RNF213: variants seen among roughly 807,000 people sequenced by gnomAD.
RNF213 encodes E3 ubiquitin-protein ligase RNF213.
RNF213 carries 341 observed loss-of-function variants against 514.4 expected under a neutral mutation model. That is an observed-to-expected ratio of 0.66 (90% CI 0.61 to 0.73). RNF213 has a LOEUF of 0.73. Among genes scored for constraint, RNF213 ranks in the 30% least tolerant of loss-of-function variants. RNF213 has a pLI of 0.00. For synonymous variants in RNF213, 2,655 were observed against 2,658.2 expected (o/e 1.00, Z 0.04); for missense variants, 5,767 against 6,615.6 (o/e 0.87, Z 4.45).
At chr17:80,330,036 T>G (rs930271357) in intron 20 of RNF213, among the ~76,000 whole-genome samples, 1 of 152,220 alleles carries the variant, frequency 6.6e-6, no homozygotes, top group Non-Finnish European at 1.5e-5. Flanking sequence ...TCTATCTCTG[T>G]TTTTTGCTCT....
intron 49 of RNF213, among the ~76,000 whole-genome samples, chr17:80,373,983 C>A (rs1271711145): frequency 7.9e-6 from 1 of 126,850 alleles, no homozygotes; most frequent in African/African-American, 3.1e-5. Context: ...AGCGCCTGGG[C>A]GATAGAGCGA....
Position 80,353,397 on chromosome 17 carries a change from G to A in RNF213, c.10424-115G>A. The A allele has an allele frequency of 8.2e-7, 1 of 1,219,852 alleles. No homozygotes were observed. The highest frequency in any genetic ancestry group is 1.2e-6 in the Non-Finnish European group (1 of 849,722). The allele number at this position is 1,219,852 out of a possible 1,614,324, so 75.6% of individuals were successfully genotyped here. A position where few individuals can be genotyped will look rare whatever the true frequency, so the allele number is the denominator to read the frequency against. Reference sequence around the variant, plus strand: ...CATCTGGGGACCTAGCACCACAGCAGGGGCCGGGGAAGCCTGCACTCGGAG... The same window carrying A: ...CATCTGGGGACCTAGCACCACAGCAAGGGCCGGGGAAGCCTGCACTCGGAG... On this transcript the variant is annotated intron_variant, in intron 33 of 67. Coordinates refer to ENST00000582970, the MANE Select transcript of RNF213 (RefSeq NM_001256071.3). This position sits in a 1 kb window ranked among gnomAD's most constrained non-coding sequence, Gnocchi z 5.0.
chr17:80,343,157 G>A lies in RNF213; in HGVS notation c.6015G>A (p.Leu2005=). ...GAAAGTCTCTGTACGTGAAGAGGTT[G>A]CACGACAAAATGAAGATGCAGTTAA... is the stretch of plus-strand genomic sequence containing the variant. ...GVGKSLYVKR[L]HDKMKMQLNV... is the part of the protein sequence containing the mutation. Residue 2005 remains leucine (L), a synonymous_variant, in exon 27 of 68, where the codon TTG becomes TTA. Transcript: ENST00000582970. The surrounding 1 kb of genome is among the most constrained non-coding windows in gnomAD (Gnocchi z 4.3). 3 of 1,613,976 alleles carry A rather than the reference G, an allele frequency of 1.9e-6. No homozygotes were observed. The highest frequency in any genetic ancestry group is 1.1e-5 in the South Asian group (1 of 91,078).
In RNF213 at chr17:80,363,461, C is replaced by T. The variant is rs892981099; in HGVS notation, c.11568+147C>T. 7.5e-6 allele frequency: 9 copies of T among 1,196,240 alleles called. No homozygotes were observed. In the Admixed American group the frequency reaches 1.7e-4, roughly 22 times the overall value. 74.1% of individuals were successfully genotyped at this position (1,196,240 alleles called of 1,614,324 possible). ...GCTGAATTCAGAGATGTTAAGGACA[C>T]ATCTCGCTGACGCTTCTCACATCCT... On this transcript the variant is annotated intron_variant, in intron 40 of 67. Transcript: ENST00000582970.
chr17:80,268,158 A>T (rs946553185), intron 2 of RNF213, among the ~76,000 whole-genome samples: 2 of 151,856 alleles, frequency 1.3e-5, no homozygotes, highest in Non-Finnish European at 2.9e-5. Flanking sequence ...GTGTTCCATT[A>T]TGTATATGTA....
chr17:80,273,909 C>T (rs1200247357), intron 3 of RNF213, among the ~76,000 whole-genome samples: 4 of 152,032 alleles, frequency 2.6e-5, no homozygotes, highest in Non-Finnish European at 5.9e-5. Context: ...TGTGAGCCAC[C>T]GCGCCCGGCC....
chr17:80,353,554 T>C lies in RNF213; in HGVS notation c.10466T>C (p.Met3489Thr), dbSNP rs945777495. Residue 3489 changes from methionine (M) to threonine (T), a missense_variant, in exon 34 of 68, where the codon ATG (methionine) becomes ACG (threonine). Coordinates refer to ENST00000582970, the MANE Select transcript of RNF213 (RefSeq NM_001256071.3). The surrounding 1 kb of genome is among the most constrained non-coding windows in gnomAD (Gnocchi z 5.0). The part of the protein sequence containing the change: ...HRAEDGHEEA[M>T]ETEASTSGEV... The stretch of plus-strand genomic sequence containing the variant: ...GCGGAAGACGGCCATGAGGAGGCGA[T>C]GGAGACGGAGGCCAGCACATCAGGG... 1.2e-6 allele frequency: 2 copies of C among 1,613,444 alleles called. No homozygotes were observed. The highest frequency in any genetic ancestry group is 1.3e-5 in the African/African-American group (1 of 74,828).
chr17:80,393,608 T>C lies in RNF213; in HGVS notation c.*110T>C, dbSNP rs559740886. On this transcript the variant is annotated 3_prime_UTR_variant, in exon 68 of 68. Transcript: ENST00000582970. ...GTGCCTTTGCATTCAGAAGGAGAGC[T>C]GTCAGCGTAGCACCGAATTCAAGAC... 1 of 1,247,886 alleles carries C rather than the reference T, an allele frequency of 8.0e-7. No homozygotes were observed. The highest frequency in any genetic ancestry group is 1.5e-5 in the African/African-American group (1 of 67,388). The allele number at this position is 1,247,886 out of a possible 1,614,324, so 77.3% of individuals were successfully genotyped here.
Position 80,377,776 on chromosome 17 carries a change from C to T in RNF213, c.13525C>T (p.His4509Tyr), listed in dbSNP as rs750408019. The change falls in exon 54 of 68, where the codon CAT becomes TAT. Residue 4509 changes from histidine to tyrosine, a missense_variant. Coordinates refer to ENST00000582970, the MANE Select transcript of RNF213 (RefSeq NM_001256071.3). This position sits in a 1 kb window ranked among gnomAD's most constrained non-coding sequence, Gnocchi z 4.1. Reference protein sequence around the residue: ...RVHWYTCPNGHPCSVGECGRP... With the variant: ...RVHWYTCPNGYPCSVGECGRP... ...TCTCTTCACAGCTTGTCCCAACGGC[C>T]ATCCTTGCTCCGTGGGAGAGGTGAG... 1 of 1,614,194 alleles carries T rather than the reference C, an allele frequency of 6.2e-7. No homozygotes were observed.
rs1568015263 is a variant in RNF213, at chr17:80,288,278, T to G, written c.725T>G (p.Leu242Arg). 1 of 1,613,128 alleles carries G rather than the reference T, an allele frequency of 6.2e-7. No individual in the cohort carries two copies. Among genetic ancestry groups the G allele is most frequent in the South Asian group, 1.1e-5 (1 of 91,086 alleles). Reference protein sequence around the residue: ...SRTEDAAQELLLPESKGGSSE... With the variant: ...SRTEDAAQELRLPESKGGSSE... ...ACTGAAGATGCTGCCCAGGAGCTCCTGTTGCCTGAGTCAAAAGGAGGCAGC... is the reference window on the plus strand; with the variant it reads ...ACTGAAGATGCTGCCCAGGAGCTCCGGTTGCCTGAGTCAAAAGGAGGCAGC... The change falls in exon 4 of 68, where the codon CTG becomes CGG. Residue 242 changes from leucine to arginine, a missense_variant. Leu to Arg is a moderately radical substitution (Grantham distance 102). Transcript: ENST00000582970. The surrounding 1 kb of genome is among the most constrained non-coding windows in gnomAD (Gnocchi z 4.9).
chr17:80,374,778 G>C, intron 50 of RNF213, 189 bp downstream of exon 50: 2 of 637,118 alleles, frequency 3.1e-6, no homozygotes, highest in Non-Finnish European at 5.6e-6. Flanking sequence ...CCAGTGGCTG[G>C]AACAGGACAG....
At chr17:80,261,446 G>A (rs939594677) in intron 1 of RNF213, among the ~76,000 whole-genome samples, 7 of 152,250 alleles carry the variant, frequency 4.6e-5, no homozygotes, top group African/African-American at 1.7e-4. Flanking sequence ...GCCAGGGTGG[G>A]CACCCCTCCC....
chr17:80,265,293 C>T lies in RNF213; in HGVS notation c.97+1515C>T, dbSNP rs189589480. ...AACTCCTGACCTCAGGTGATCCACC[C>T]GCCTCGGCCTCACAAAGTGCTGGGA... On this transcript the variant is annotated intron_variant, in intron 2 of 67. Transcript: ENST00000582970. Among the ~76,000 whole-genome samples, 335 of 152,198 alleles carry T rather than the reference C, an allele frequency of 2.2e-3. 2 individuals carry two copies. The highest frequency in any genetic ancestry group is 3.5e-3 in the South Asian group (17 of 4,832).
At chr17:80,325,284 A>G (rs1237676184) in intron 18 of RNF213, 86 bp downstream of exon 18, 13 of 1,310,926 alleles carry the variant, frequency 9.9e-6, no homozygotes, top group Non-Finnish European at 8.2e-6. Context: ...AAGATTTGAC[A>G]TGATGATACT....
At chr17:80,331,575 G>A (rs2046417956) in intron 20 of RNF213, among the ~76,000 whole-genome samples, 1 of 151,962 alleles carries the variant, frequency 6.6e-6, no homozygotes, top group African/African-American at 2.4e-5. Context: ...TTTTAGTAGA[G>A]ACAGGGTTTT....
Position 80,332,078 on chromosome 17 carries a change from T to C in RNF213, c.3590T>C (p.Val1197Ala). The C allele has an allele frequency of 6.5e-7, 1 of 1,537,154 alleles. No individual in the cohort carries two copies. The highest frequency in any genetic ancestry group is 8.7e-7 in the Non-Finnish European group (1 of 1,146,912). ...SSKRLNDTVT[V>A]RLSTSSNSQR... ...AAAAGATTAAATGACACCGTGACAG[T>C]GAGACTGTCCACCTCCTCGAACTCG... The change falls in exon 21 of 68, where the codon GTG becomes GCG. Residue 1197 changes from valine (V) to alanine (A), a missense_variant. By Grantham distance (64) the Val-to-Ala change is moderately conservative. Coordinates refer to ENST00000582970, the MANE Select transcript of RNF213 (RefSeq NM_001256071.3).
At chr17:80,369,898 A>G (rs752075631) in intron 46 of RNF213, 31 bp downstream of exon 46, 1 of 1,468,774 alleles carries the variant, frequency 6.8e-7, no homozygotes, top group Admixed American at 1.7e-5. Context: ...TGCTTCTGGA[A>G]AGCCCTGGCT....
chr17:80,270,862 A>G lies in RNF213; in HGVS notation c.98-2379A>G, dbSNP rs373498185. Among the ~76,000 whole-genome samples the G allele has an allele frequency of 1.1e-3, 169 of 152,236 alleles. 1 individual carries two copies. The highest frequency in any genetic ancestry group is 3.6e-3 in the African/African-American group (151 of 41,550). Reference sequence around the variant, plus strand: ...GCTTTGCTCCATTTCTCTGATCCTGACAGCTCTGCCCTTCTCCACTGCCAG... The same window carrying G: ...GCTTTGCTCCATTTCTCTGATCCTGGCAGCTCTGCCCTTCTCCACTGCCAG... On this transcript the variant is annotated intron_variant, in intron 2 of 67. Transcript: ENST00000582970.
intron 42 of RNF213, among the ~76,000 whole-genome samples, chr17:80,367,005 C>T (rs1020549799): frequency 6.6e-6 from 1 of 152,156 alleles, no homozygotes; most frequent in Non-Finnish European, 1.5e-5. Flanking sequence ...CAGACATATG[C>T]AAGAATGTTG....
Sources: allele counts gnomAD v4.1 joint callset (sites outside exome capture counted in the v4.1 genomes callset), GRCh38; gene constraint gnomAD v4.1.1; non-coding constraint Gnocchi (gnomAD v3.1); transcripts MANE v1.5; gene names NCBI Gene and HGNC (gene_info 2026-07-23, HGNC 2026-07-21).